RABL6: variants seen among roughly 807,000 people sequenced by gnomAD.
RABL6 encodes RAB, member RAS oncogene family like 6.
A neutral mutation model predicts 72.9 loss-of-function variants in RABL6; 28 were observed. The observed-to-expected ratio is 0.38, with a 90% CI of 0.28 to 0.53. The LOEUF (loss-of-function observed/expected upper bound fraction) is 0.53. Ranked by LOEUF, RABL6 falls within the 20% of genes least tolerant of loss-of-function variation. The pLI is 0.80. For synonymous variants in RABL6, 477 were observed against 421.2 expected (o/e 1.13, Z -1.62); for missense variants, 1,029 against 1,008.4 (o/e 1.02, Z -0.28).
rs114156024 is a variant in RABL6, at chr9:136,829,514, T to C, written c.458+30T>C. ...GAGGGAGCTGGCGGGGGCAGCTGCC[T>C]GTGACTCTCACCCCCCTAGCCCCTT... On this transcript the variant is annotated intron_variant, in intron 5 of 14. Coordinates refer to ENST00000311502, the MANE Select transcript of RABL6 (RefSeq NM_024718.5). The C allele has an allele frequency of 7.8e-3, 12,035 of 1,542,938 alleles. 857 individuals are homozygous for C. The African/African-American group carries it at 0.15, about 19-fold the overall frequency.
At chr9:136,832,513 G>T in intron 7 of RABL6, 143 bp downstream of exon 7, 1 of 764,176 alleles carries the variant, frequency 1.3e-6, no homozygotes. Flanking sequence ...AGGGCCCAGC[G>T]TTCTACTGCA....
At chr9:136,840,039 G>A (rs1848660353) in intron 13 of RABL6, 115 bp from the exon 14 acceptor site, 1 of 1,517,694 alleles carries the variant, frequency 6.6e-7, no homozygotes, top group Non-Finnish European at 9.1e-7. Context: ...TCCATCAGCA[G>A]GGCCTCCTGG....
chr9:136,810,316 A>G (rs1847981529), intron 1 of RABL6, among the ~76,000 whole-genome samples: 1 of 152,172 alleles, frequency 6.6e-6, no homozygotes, highest in Non-Finnish European at 1.5e-5. Context: ...GTGACTAAAA[A>G]GGGCAATGGG....
Position 136,840,922 on chromosome 9 carries a change from T to A in RABL6, c.*400T>A. On this transcript the variant is annotated 3_prime_UTR_variant, in exon 15 of 15. Transcript: ENST00000311502. ...CACCTGCTTGCCCTCCGCGCTCATCTGGGGCCGCAGCATGCCTATGGTTCC... is the reference window on the plus strand; with the variant it reads ...CACCTGCTTGCCCTCCGCGCTCATCAGGGGCCGCAGCATGCCTATGGTTCC... 6.7e-7 allele frequency: 1 copy of A among 1,481,808 alleles called. No individual in the cohort carries two copies. Among genetic ancestry groups the A allele is most frequent in the Non-Finnish European group, 9.0e-7 (1 of 1,111,528 alleles). 91.8% of individuals were successfully genotyped at this position (1,481,808 alleles called of 1,614,324 possible).
At chr9:136,823,015 G>A (rs1038582223) in intron 1 of RABL6, among the ~76,000 whole-genome samples, 1 of 151,902 alleles carries the variant, frequency 6.6e-6, no homozygotes, top group Admixed American at 6.6e-5. Flanking sequence ...GTGAACCCGG[G>A]AGGTGGAGCT....
chr9:136,835,829 G>A lies in RABL6; in HGVS notation c.793G>A (p.Asp265Asn), dbSNP rs1848574628. 11 of 1,554,826 alleles carry A rather than the reference G, an allele frequency of 7.1e-6. No individual in the cohort carries two copies. Among genetic ancestry groups the A allele is most frequent in the Non-Finnish European group, 9.6e-6 (11 of 1,150,384 alleles). Residue 265 changes from aspartate (D) to asparagine (N), a missense_variant, in exon 8 of 15, where the codon GAC (aspartate) becomes AAC (asparagine). Around this residue, in one of 2 missense-constraint regions of RABL6, gnomAD observed 434 missense variants for 536.1 expected, o/e 0.81. Coordinates refer to ENST00000311502, the MANE Select transcript of RABL6 (RefSeq NM_024718.5). ...EELSVQQETE[D>N]QNYGIFLEMM... ...GCTGTCGGTGCAGCAGGAGACGGAG[G>A]ACCAGAACTACGGCATGTATGTGGC...
intron 1 of RABL6, among the ~76,000 whole-genome samples, chr9:136,817,691 A>C (rs1214452188): frequency 6.6e-6 from 1 of 152,186 alleles, no homozygotes; most frequent in Admixed American, 6.5e-5. Flanking sequence ...TCACTGTGCA[A>C]AGGCTCTTTT....
chr9:136,808,727 C>G (rs1234405893), intron 1 of RABL6: 1 of 153,272 alleles, frequency 6.5e-6, no homozygotes, highest in Non-Finnish European at 1.5e-5. Context: ...CACCACTCAC[C>G]TGCAGGAGGT....
intron 1 of RABL6, chr9:136,815,283 C>T (rs747745239): frequency 3.9e-5 from 11 of 283,036 alleles, no homozygotes; most frequent in Non-Finnish European, 6.4e-5. Context: ...GACTGCTTTG[C>T]CTGGAGTGAC....
intron 1 of RABL6, among the ~76,000 whole-genome samples, chr9:136,818,362 C>CAAAAAAAAAAAAAAA: frequency 6.7e-5 from 1 of 15,008 alleles, no homozygotes; most frequent in African/African-American, 2.3e-4. Flanking sequence ...GACTCTGTCT[C>CAAAAAAAAAAAAAAA]AAAAAAAAAA....
chr9:136,841,055 C>T lies in RABL6; in HGVS notation c.*533C>T. 2 of 1,419,506 alleles carry T rather than the reference C, an allele frequency of 1.4e-6. No individual in the cohort carries two copies. The highest frequency in any genetic ancestry group is 1.6e-5 in the South Asian group (1 of 64,058). The allele number at this position is 1,419,506 out of a possible 1,614,324, so 87.9% of individuals were successfully genotyped here. On this transcript the variant is annotated 3_prime_UTR_variant, in exon 15 of 15. Transcript: ENST00000311502. ...ACCGAAGGCAGCATGTGAGGCCTCTCCTGGGAGTGGGGGTTGTGTTTCCCA... is the reference window on the plus strand; with the variant it reads ...ACCGAAGGCAGCATGTGAGGCCTCTTCTGGGAGTGGGGGTTGTGTTTCCCA...
At chr9:136,819,060 C>T (rs1379686977) in intron 1 of RABL6, among the ~76,000 whole-genome samples, 2 of 152,088 alleles carry the variant, frequency 1.3e-5, no homozygotes, top group African/African-American at 2.4e-5. Flanking sequence ...CGGTGGCTCA[C>T]GCCTGTAATC....
At chr9:136,811,314 G>A (rs544278882) in intron 1 of RABL6, among the ~76,000 whole-genome samples, 13 of 152,224 alleles carry the variant, frequency 8.5e-5, no homozygotes, top group Admixed American at 5.9e-4. Context: ...GTCGGAGGTA[G>A]TTTAAAAAAA....
chr9:136,836,725 ACCC>A (rs1268659649), intron 8 of RABL6: 1 of 160,570 alleles, frequency 6.2e-6, no homozygotes, highest in Non-Finnish European at 1.4e-5. Flanking sequence ...CTTCCCAGAA[ACCC>A]CCGCTCACGG....
At chr9:136,828,470 A>C in intron 3 of RABL6, 24 bp from the exon 4 acceptor site, 1 of 1,612,182 alleles carries the variant, frequency 6.2e-7, no homozygotes, top group East Asian at 2.2e-5. Flanking sequence ...TCCACCTCGT[A>C]ATTTTTGTTT....
intron 4 of RABL6, 142 bp from the exon 5 acceptor site, chr9:136,829,251 A>G (rs1848420830): frequency 4.4e-6 from 3 of 684,798 alleles, no homozygotes; most frequent in East Asian, 2.7e-5. Flanking sequence ...TAGCTATCCC[A>G]TCTCTTCAGC....
chr9:136,825,940 GC>G, intron 3 of RABL6, 114 bp downstream of exon 3: 1 of 1,282,146 alleles, frequency 7.8e-7, no homozygotes, highest in African/African-American at 1.5e-5. Context: ...CGTGGACGGT[GC>G]CCAGGGTCTT....
At chr9:136,811,772 G>A (rs1175437962) in intron 1 of RABL6, among the ~76,000 whole-genome samples, 7 of 152,042 alleles carry the variant, frequency 4.6e-5, no homozygotes, top group African/African-American at 1.7e-4. Context: ...GATTACAGGC[G>A]TGAGCCACCG....
At chr9:136,836,822 G>C in intron 8 of RABL6, 1 of 255,962 alleles carries the variant, frequency 3.9e-6, no homozygotes, top group Non-Finnish European at 7.7e-6. Context: ...GTGACTTTCA[G>C]GGGAGCTGGA....
Sources: allele counts gnomAD v4.1 joint callset (sites outside exome capture counted in the v4.1 genomes callset), GRCh38; gene constraint gnomAD v4.1.1; regional missense constraint gnomAD v4.1.1; transcripts MANE v1.5; gene names NCBI Gene and HGNC (gene_info 2026-07-23, HGNC 2026-07-21).